The following CENPT variants were observed in gnomAD, a reference collection of about 807,000 sequenced individuals.
CENPT encodes interphase centromere complex protein 22.
In CENPT, 42 loss-of-function variants were observed where a neutral mutation model predicts 59.7. The ratio of observed to expected loss-of-function variants is 0.70; its 90% confidence interval spans 0.55 to 0.91. The LOEUF (loss-of-function observed/expected upper bound fraction) is 0.91, where lower values mean the gene tolerates loss of function less well. Among genes scored for constraint, CENPT ranks in the 40% least tolerant of loss-of-function variants. CENPT has a pLI of 0.00. For synonymous variants in CENPT, 295 were observed against 289.6 expected (o/e 1.02, Z -0.19); for missense variants, 716 against 713.4 (o/e 1.00, Z -0.04).
chr16:67,838,576 C>T (rs954235935), intron 1 of CENPT, among the ~76,000 whole-genome samples: 7 of 147,854 alleles, frequency 4.7e-5, no homozygotes, highest in African/African-American at 7.5e-5. Flanking sequence ...GAGCCGAGAT[C>T]GTGCCATTGC....
rs758250912 is a variant in CENPT, at chr16:67,843,127, A to G, written c.-492+4274T>C. The G allele has an allele frequency of 6.2e-7, 1 of 1,610,252 alleles. No homozygotes were observed. Among genetic ancestry groups the G allele is most frequent in the Non-Finnish European group, 8.5e-7 (1 of 1,179,728 alleles). Reference sequence around the variant, plus strand: ...AAGACGTGAAGCCCATCGATCTCACAGTGCAAGTGGAGTTTGCAGCCGCAG... The same window carrying G: ...AAGACGTGAAGCCCATCGATCTCACGGTGCAAGTGGAGTTTGCAGCCGCAG... On this transcript the variant is annotated intron_variant, in intron 1 of 15. Coordinates refer to ENST00000562787, the MANE Select transcript of CENPT (RefSeq NM_025082.4). This position sits in a 1 kb window ranked among gnomAD's most constrained non-coding sequence, Gnocchi z 5.7.
At chr16:67,838,754 T>C (rs2057745786) in intron 1 of CENPT, among the ~76,000 whole-genome samples, 1 of 151,172 alleles carries the variant, frequency 6.6e-6, no homozygotes, top group Non-Finnish European at 1.5e-5. Context: ...AGTGAAACCC[T>C]GTCTCTATGA....
chr16:67,841,072 G>A (rs2151288735), intron 1 of CENPT, among the ~76,000 whole-genome samples: 1 of 141,116 alleles, frequency 7.1e-6, no homozygotes, highest in Admixed American at 7.2e-5. Context: ...GCATGCGCCT[G>A]TAGTCCCAGC....
rs367632903 is a variant in CENPT, at chr16:67,829,400, G to A, written c.1280+23C>T. On this transcript the variant is annotated intron_variant, in intron 13 of 15. Coordinates refer to ENST00000562787, the MANE Select transcript of CENPT (RefSeq NM_025082.4). ...TGCTCCCTTCCCAAGAGGCCCATGAGGAATGGGGTTGTGGGATCTTACACT... is the reference window on the plus strand; with the variant it reads ...TGCTCCCTTCCCAAGAGGCCCATGAAGAATGGGGTTGTGGGATCTTACACT... The A allele has an allele frequency of 7.9e-4, 1,241 of 1,563,738 alleles. 22 individuals carry two copies. The South Asian group carries it at 0.013, about 17-fold the overall frequency.
chr16:67,830,077 G>C lies in CENPT; in HGVS notation c.874C>G (p.Pro292Ala), dbSNP rs1340965979. ...GCCTCTCCTGCCAGAAACTGGGCTG[G>C]TTTCCCAGGGCCTGAGTGAAGGGGA... ...PGLQKNSPGK[P>A]AQFLAGEAEE... The change falls in exon 12 of 16, where the codon CCA (proline) becomes GCA (alanine). Residue 292 changes from proline (P) to alanine (A), a missense_variant. Physicochemically the swap from Pro to Ala is conservative, Grantham distance 27 (BLOSUM62 -1). Transcript: ENST00000562787. 6.2e-7 allele frequency: 1 copy of C among 1,614,148 alleles called. No individual in the cohort carries two copies. Among genetic ancestry groups the C allele is most frequent in the Non-Finnish European group, 8.5e-7 (1 of 1,179,998 alleles).
chr16:67,844,747 G>C (rs1406557339), intron 1 of CENPT, among the ~76,000 whole-genome samples: 1 of 151,514 alleles, frequency 6.6e-6, no homozygotes, highest in African/African-American at 2.4e-5. Context: ...TGGGAGGTGT[G>C]ATTCCTTGAC....
chr16:67,841,299 C>T (rs1463518517), intron 1 of CENPT, among the ~76,000 whole-genome samples: 1 of 149,062 alleles, frequency 6.7e-6, no homozygotes, highest in Non-Finnish European at 1.5e-5. Context: ...CCTTTAATAG[C>T]TCTCAGTGGC....
In CENPT at chr16:67,828,723, A is replaced by T. The variant is rs1338358660; in HGVS notation, c.1401T>A (p.Phe467Leu). ...KAGLSHYVKLFSFYAKMPMER... is the reference protein window; with the variant it reads ...KAGLSHYVKLLSFYAKMPMER... ...CCATGGGCATCTTGGCATAGAAGCTAAAGAGTTTCACATAGTGGCTCAGTC... is the reference window on the plus strand; with the variant it reads ...CCATGGGCATCTTGGCATAGAAGCTTAAGAGTTTCACATAGTGGCTCAGTC... Residue 467 changes from phenylalanine to leucine, a missense_variant, in exon 14 of 16, where the codon TTT (phenylalanine) becomes TTA (leucine). Transcript: ENST00000562787. 1 of 1,614,104 alleles carries T rather than the reference A, an allele frequency of 6.2e-7. No individual in the cohort carries two copies. The highest frequency in any genetic ancestry group is 8.5e-7 in the Non-Finnish European group (1 of 1,179,988).
chr16:67,843,036 A>C lies in CENPT; in HGVS notation c.-492+4365T>G, dbSNP rs2057776005. 1 of 1,612,258 alleles carries C rather than the reference A, an allele frequency of 6.2e-7. No individual in the cohort carries two copies. The highest frequency in any genetic ancestry group is 8.5e-7 in the Non-Finnish European group (1 of 1,180,022). On this transcript the variant is annotated intron_variant, in intron 1 of 15. Coordinates refer to ENST00000562787, the MANE Select transcript of CENPT (RefSeq NM_025082.4). This position sits in a 1 kb window ranked among gnomAD's most constrained non-coding sequence, Gnocchi z 5.7. ...TCCGCGGCCGTGCTTCTCACCCTTCAGGCCACTGTAGACAGCAGTCAGGCT... is the reference window on the plus strand; with the variant it reads ...TCCGCGGCCGTGCTTCTCACCCTTCCGGCCACTGTAGACAGCAGTCAGGCT...
chr16:67,846,626 C>T (rs966914652), intron 1 of CENPT: 4 of 152,424 alleles, frequency 2.6e-5, no homozygotes, highest in African/African-American at 9.6e-5. Flanking sequence ...AGTGCACAGA[C>T]TGGGCGGGGC....
chr16:67,829,929 C>G lies in CENPT; in HGVS notation c.1022G>C (p.Gly341Ala). 6.2e-7 allele frequency: 1 copy of G among 1,614,246 alleles called. No homozygotes were observed. ...EEAEKKMEEE[G>A]VSVSEMEATG... ...TGCCTCCATTTCACTCACACTCACA[C>G]CTTCTTCTTCCATCTTTTTCTCTGC... The change falls in exon 12 of 16, where the codon GGT becomes GCT. Residue 341 changes from glycine to alanine, a missense_variant. By Grantham distance (60) the Gly-to-Ala change is moderately conservative (BLOSUM62 0). Coordinates refer to ENST00000562787, the MANE Select transcript of CENPT (RefSeq NM_025082.4).
intron 1 of CENPT, chr16:67,841,428 A>C (rs2057760452): frequency 6.6e-6 from 1 of 152,004 alleles, no homozygotes; most frequent in Non-Finnish European, 1.5e-5. Context: ...CTTTTCTGCC[A>C]TGTGGCCTTA....
At chr16:67,844,939 C>T (rs1380156776) in intron 1 of CENPT, among the ~76,000 whole-genome samples, 1 of 152,096 alleles carries the variant, frequency 6.6e-6, no homozygotes, top group African/African-American at 2.4e-5. Context: ...TAGGCACCCG[C>T]CACCACGTCG....
Position 67,829,445 on chromosome 16 carries a change from C to A in CENPT, c.1258G>T (p.Ala420Ser), listed in dbSNP as rs1018212962. The A allele has an allele frequency of 2.5e-6, 4 of 1,582,622 alleles. No homozygotes were observed. The African/African-American group carries it at 5.5e-5, about 22-fold the overall frequency. ...TACACTGCAGCACCAGGCGCTGGGG[C>A]TGGCTCAAGAAACTGATGATGTCGC... ...ARRHHQFLEP[A>S]PAPGAAVLSS... Residue 420 changes from alanine (A) to serine (S), a missense_variant, in exon 13 of 16, where the codon GCC (alanine) becomes TCC (serine). Transcript: ENST00000562787.
intron 1 of CENPT, among the ~76,000 whole-genome samples, chr16:67,839,720 C>A (rs184076020): frequency 1.1e-4 from 16 of 151,654 alleles, no homozygotes; most frequent in African/African-American, 3.9e-4. Context: ...TAAAAGTACA[C>A]AAAATTAGCT....
Position 67,831,624 on chromosome 16 carries a change from C to G in CENPT, c.524-12G>C. 1 of 1,614,014 alleles carries G rather than the reference C, an allele frequency of 6.2e-7. No individual in the cohort carries two copies. ...ATTCCCTTGAGGCTCTGTCAGCAAC[C>G]GGCAAGAGAATGTAAAAGAAGAAAA... On this transcript the variant is annotated splice_polypyrimidine_tract_variant and intron_variant, in intron 8 of 15. Coordinates refer to ENST00000562787, the MANE Select transcript of CENPT (RefSeq NM_025082.4).
intron 4 of CENPT, among the ~76,000 whole-genome samples, chr16:67,833,173 G>C (rs1286021865): frequency 6.6e-6 from 1 of 152,190 alleles, no homozygotes; most frequent in African/African-American, 2.4e-5. Context: ...CACTGACTCA[G>C]GCCAAATTCC....
At position 67,843,337 on chromosome 16, in the gene CENPT, G is replaced by C. The variant is rs1176600027; in HGVS notation, c.-492+4064C>G. Reference sequence around the variant, plus strand: ...CGGAGGAGGAGCTCCTGCGCAAGCTGAATGAGCAGCGGGACATCCTGGCTC... The same window carrying C: ...CGGAGGAGGAGCTCCTGCGCAAGCTCAATGAGCAGCGGGACATCCTGGCTC... On this transcript the variant is annotated intron_variant, in intron 1 of 15. Transcript: ENST00000562787. The surrounding 1 kb of genome is among the most constrained non-coding windows in gnomAD (Gnocchi z 5.7). 1 of 1,613,966 alleles carries C rather than the reference G, an allele frequency of 6.2e-7. No homozygotes were observed.
At position 67,842,075 on chromosome 16, in the gene CENPT, C is replaced by G. The variant is rs2057764820; in HGVS notation, c.-492+5326G>C. On this transcript the variant is annotated intron_variant, in intron 1 of 15. Coordinates refer to ENST00000562787, the MANE Select transcript of CENPT (RefSeq NM_025082.4). The surrounding 1 kb of genome is among the most constrained non-coding windows in gnomAD (Gnocchi z 4.9). Reference sequence around the variant, plus strand: ...GTGAGGCGCGCACCGCCCCGCTCCACGCCCCTATCAGGATTCGGGTCCTCG... The same window carrying G: ...GTGAGGCGCGCACCGCCCCGCTCCAGGCCCCTATCAGGATTCGGGTCCTCG... 6.6e-6 allele frequency: 1 copy of G among 152,438 alleles called. No individual in the cohort carries two copies. Among genetic ancestry groups the G allele is most frequent in the African/African-American group, 2.4e-5 (1 of 41,472 alleles). The allele number at this position is 152,438 out of a possible 1,614,324, so 9.4% of individuals were successfully genotyped here.
Sources: gnomAD v4.1 joint callset for allele counts (sites outside exome capture counted in the v4.1 genomes callset) on GRCh38, gnomAD v4.1.1 for gene constraint, Gnocchi (gnomAD v3.1) non-coding constraint, MANE v1.5 for transcripts, NCBI Gene and HGNC (gene_info 2026-07-23, HGNC 2026-07-21) for gene names.